CDK14: variants seen among roughly 807,000 people sequenced by gnomAD.
CDK14 encodes the protein cyclin-dependent kinase 14.
A neutral mutation model predicts 60.7 loss-of-function variants in CDK14; 34 were observed. That is an observed-to-expected ratio of 0.56 (90% CI 0.43 to 0.75). The LOEUF (loss-of-function observed/expected upper bound fraction) is 0.75, where lower values mean the gene tolerates loss of function less well. CDK14 is among the 30% of genes least tolerant of loss of function. CDK14 has a pLI of 0.00. For missense variants in CDK14, 482 were observed against 564.1 expected (o/e 0.85, Z 1.47); for synonymous variants, 197 against 203.7 (o/e 0.97, Z 0.28).
chr7:90,879,162 A>G (rs1197129167), intron 6 of CDK14, among the ~76,000 whole-genome samples: 1 of 152,206 alleles, frequency 6.6e-6, no homozygotes, highest in Non-Finnish European at 1.5e-5. Flanking sequence ...CAACCACTCC[A>G]GAGAGAGCCG....
rs907602965 is a variant in CDK14, at chr7:91,174,398, G to A, written c.*29-32767G>A. On this transcript the variant is annotated intron_variant, in intron 14 of 14. Coordinates refer to ENST00000380050, the MANE Select transcript of CDK14 (RefSeq NM_001287135.2). ...AACTGAAAACTCTAAAACGCAGAGC[G>A]CCTCTCCTCCTCCAAAGGAACACAG... Among the ~76,000 whole-genome samples, 827 of 150,032 alleles carry A rather than the reference G, an allele frequency of 5.5e-3. 10 individuals carry two copies. The highest frequency in any genetic ancestry group is 0.019 in the African/African-American group (773 of 41,068).
At chr7:90,743,258 A>C (rs141668724) in intron 3 of CDK14, among the ~76,000 whole-genome samples, 8 of 152,284 alleles carry the variant, frequency 5.3e-5, no homozygotes, top group African/African-American at 1.9e-4. Context: ...CATCTCATAT[A>C]GTTACCCATT....
intron 8 of CDK14, among the ~76,000 whole-genome samples, chr7:90,925,060 C>T (rs193003102): frequency 1.2e-3 from 178 of 151,780 alleles, no homozygotes; most frequent in African/African-American, 3.9e-3. Context: ...TTATTTTTAC[C>T]ACATACCGGA....
chr7:90,610,474 C>T (rs1799518090), intron 2 of CDK14, among the ~76,000 whole-genome samples: 1 of 152,212 alleles, frequency 6.6e-6, no homozygotes, highest in South Asian at 2.1e-4. Context: ...TCCACCCTTT[C>T]TTCTTTTAGT....
At chr7:90,816,039 C>G (rs372811418) in intron 5 of CDK14, among the ~76,000 whole-genome samples, 14 of 152,150 alleles carry the variant, frequency 9.2e-5, no homozygotes, top group Middle Eastern at 3.4e-3. Context: ...GCCTATGTAA[C>G]AAACCTGCAT....
chr7:90,714,311 A>G (rs994000264), intron 2 of CDK14, among the ~76,000 whole-genome samples: 1 of 152,042 alleles, frequency 6.6e-6, no homozygotes, highest in Non-Finnish European at 1.5e-5. Flanking sequence ...TGACAGTGAA[A>G]CGCTTCTGGA....
chr7:90,764,731 C>T (rs1804482283), intron 4 of CDK14, among the ~76,000 whole-genome samples: 2 of 152,136 alleles, frequency 1.3e-5, no homozygotes, highest in South Asian at 2.1e-4. Context: ...TCTGAGGAAA[C>T]AGACATAACA....
At chr7:90,988,844 C>A (rs1795450089) in intron 10 of CDK14, among the ~76,000 whole-genome samples, 1 of 152,108 alleles carries the variant, frequency 6.6e-6, no homozygotes, top group African/African-American at 2.4e-5. Context: ...ATAACCCTGA[C>A]AAATCACACC....
chr7:90,708,724 C>T (rs1241698070), intron 2 of CDK14, among the ~76,000 whole-genome samples: 1 of 152,144 alleles, frequency 6.6e-6, no homozygotes, highest in Non-Finnish European at 1.5e-5. Flanking sequence ...TTGGGAATAT[C>T]GACCACTTAT....
intron 14 of CDK14, 92 bp from the exon 15 acceptor site, chr7:91,207,073 T>C (rs1802923642): frequency 6.6e-6 from 1 of 152,180 alleles, no homozygotes; most frequent in South Asian, 2.1e-4. Context: ...TGGACTCACT[T>C]TGGACTGACC....
At chr7:90,963,599 A>G (rs904522955) in intron 9 of CDK14, among the ~76,000 whole-genome samples, 1 of 151,832 alleles carries the variant, frequency 6.6e-6, no homozygotes, top group Non-Finnish European at 1.5e-5. Flanking sequence ...AATGATGTTT[A>G]TTCAGAAACA....
chr7:91,057,501 A>G (rs1049279241), intron 11 of CDK14, among the ~76,000 whole-genome samples: 2 of 151,854 alleles, frequency 1.3e-5, no homozygotes, highest in African/African-American at 4.9e-5. Flanking sequence ...CCTGAATGGT[A>G]TTGCCTAGGT....
chr7:90,600,771 A>G (rs886425148), intron 1 of CDK14, among the ~76,000 whole-genome samples: 6 of 152,274 alleles, frequency 3.9e-5, no homozygotes, highest in African/African-American at 1.4e-4. Context: ...TATATCCATG[A>G]TCTTTTAAGA....
intron 2 of CDK14, among the ~76,000 whole-genome samples, chr7:90,711,884 GT>G (rs71104485): frequency 0.027 from 3,630 of 133,304 alleles, 77 homozygotes; most frequent in Middle Eastern, 0.045. Context: ...AGTCTACTAT[GT>G]TTTTTTTTTT....
At chr7:90,924,277 A>G (rs1265018688) in intron 8 of CDK14, among the ~76,000 whole-genome samples, 1 of 152,216 alleles carries the variant, frequency 6.6e-6, no homozygotes, top group Admixed American at 6.5e-5. Flanking sequence ...TAACCCATTA[A>G]TACATTAACC....
At chr7:90,784,945 T>C (rs1805511717) in intron 4 of CDK14, among the ~76,000 whole-genome samples, 1 of 152,220 alleles carries the variant, frequency 6.6e-6, no homozygotes, top group Non-Finnish European at 1.5e-5. Flanking sequence ...TTTTAATAAC[T>C]TTGCCAAAAA....
At chr7:91,083,758 A>G (rs1044351779) in intron 12 of CDK14, among the ~76,000 whole-genome samples, 5 of 152,196 alleles carry the variant, frequency 3.3e-5, no homozygotes, top group Admixed American at 1.3e-4. Flanking sequence ...CCCTGGTGGG[A>G]GTCCTAGAGA....
At chr7:90,851,941 C>G (rs953427444) in intron 5 of CDK14, among the ~76,000 whole-genome samples, 3 of 152,150 alleles carry the variant, frequency 2.0e-5, no homozygotes, top group African/African-American at 7.2e-5. Flanking sequence ...CTCTGTCACC[C>G]AGGCTGGAGT....
At chr7:91,176,760 A>G (rs942539689) in intron 14 of CDK14, among the ~76,000 whole-genome samples, 7 of 150,334 alleles carry the variant, frequency 4.7e-5, no homozygotes, top group Non-Finnish European at 1.0e-4. Flanking sequence ...CTAAACCAGG[A>G]AAAAGTTGAA....
Sources: allele counts gnomAD v4.1 joint callset (sites outside exome capture counted in the v4.1 genomes callset), GRCh38; gene constraint gnomAD v4.1.1; transcripts MANE v1.5; gene names NCBI Gene and HGNC (gene_info 2026-07-23, HGNC 2026-07-21).